TRPM2: variants seen among roughly 807,000 people sequenced by gnomAD.
TRPM2 encodes the protein estrogen-responsive element-associated gene 1 protein.
In TRPM2, 161 loss-of-function variants were observed where a neutral mutation model predicts 174.0. That is an observed-to-expected ratio of 0.93 (90% CI 0.81 to 1.05). The LOEUF (loss-of-function observed/expected upper bound fraction) is 1.05, where lower values mean the gene tolerates loss of function less well. Ranked by LOEUF, TRPM2 falls within the 50% of genes least tolerant of loss-of-function variation. The probability of loss-of-function intolerance (pLI) is 0.00; values close to 1 mark genes in which losing one functional copy is unlikely to be tolerated. For missense variants in TRPM2, 2,057 were observed against 2,038.0 expected (o/e 1.01, Z -0.18); for synonymous variants, 954 against 861.3 (o/e 1.11, Z -1.88).
At chr21:44,357,580 GC>G (rs2048095952) in intron 2 of TRPM2, among the ~76,000 whole-genome samples, 1 of 152,196 alleles carries the variant, frequency 6.6e-6, no homozygotes, top group Non-Finnish European at 1.5e-5. Context: ...GAAGCACGTG[GC>G]CACCTGCAAA....
At chr21:44,428,749 G>T (rs1387800558) in intron 27 of TRPM2, among the ~76,000 whole-genome samples, 1 of 127,792 alleles carries the variant, frequency 7.8e-6, no homozygotes, top group South Asian at 2.6e-4. Flanking sequence ...CTTAGGTGTG[G>T]CTCTTCCCTG....
rs146925104 is a variant in TRPM2, at chr21:44,370,801, G to A, written c.771+1458G>A. ...TGCTCTTTTTACGAATTGAAAAACT[G>A]AAGCCAGGAGCGGCTGGGTGACGTC... On this transcript the variant is annotated intron_variant, in intron 5 of 31. Transcript: ENST00000397928. 1.5e-3 allele frequency among the ~76,000 whole-genome samples: 234 copies of A among 152,328 alleles called. 1 individual carries two copies. The East Asian group carries it at 0.036, about 24-fold the overall frequency.
At position 44,379,069 on chromosome 21, in the gene TRPM2, A is replaced by T; in HGVS notation, c.1087A>T (p.Ile363Phe). The change falls in exon 8 of 32, where the codon ATT (isoleucine) becomes TTT (phenylalanine). Residue 363 changes from isoleucine (I) to phenylalanine (F), a missense_variant. Ile to Phe is a conservative substitution (Grantham distance 21). Transcript: ENST00000397928. ...VEGSGRVADVIAQVANLPVSD... is the reference protein window; with the variant it reads ...VEGSGRVADVFAQVANLPVSD... ...GGGCTCGGGCCGCGTGGCCGACGTC[A>T]TTGCCCAGGTGGCCAACCTGCCTGT... 6.2e-7 allele frequency: 1 copy of T among 1,612,728 alleles called. No individual in the cohort carries two copies. The highest frequency in any genetic ancestry group is 8.5e-7 in the Non-Finnish European group (1 of 1,180,016).
intron 2 of TRPM2, among the ~76,000 whole-genome samples, chr21:44,355,242 G>A (rs2048023842): frequency 6.6e-6 from 1 of 151,696 alleles, no homozygotes. Context: ...CGACTCAGGT[G>A]TGGCCAAGAC....
In TRPM2 at chr21:44,426,992, CT is replaced by C; in HGVS notation, c.3873-16del. ...CTGCAACACGGGCACACAGACACGC[CT>C]TCTCCTCTGCTCCCAGCACCCTGGA... is the stretch of plus-strand genomic sequence containing the variant. On this transcript the variant is annotated splice_polypyrimidine_tract_variant and intron_variant, in intron 26 of 31. Transcript: ENST00000397928. 1 of 1,574,900 alleles carries C rather than the reference CT, an allele frequency of 6.3e-7. No homozygotes were observed. Among genetic ancestry groups the C allele is most frequent in the Non-Finnish European group, 8.6e-7 (1 of 1,161,052 alleles).
At chr21:44,379,909 A>C (rs1188979976) in intron 8 of TRPM2, among the ~76,000 whole-genome samples, 1 of 152,224 alleles carries the variant, frequency 6.6e-6, no homozygotes, top group Non-Finnish European at 1.5e-5. Context: ...GGGCCGGCAG[A>C]GCCCTCTGTC....
chr21:44,418,526 C>G lies in TRPM2; in HGVS notation c.3432C>G (p.Pro1144=). The G allele has an allele frequency of 6.2e-7, 1 of 1,614,068 alleles. No homozygotes were observed. Among genetic ancestry groups the G allele is most frequent in the Non-Finnish European group, 8.5e-7 (1 of 1,179,996 alleles). Residue 1144 remains proline (P), a synonymous_variant, in exon 22 of 32, where the codon CCC becomes CCG. Coordinates refer to ENST00000397928, the MANE Select transcript of TRPM2 (RefSeq NM_003307.4). ...QNRQFQQKQR[P]EQKIEDISNK... The stretch of plus-strand genomic sequence containing the variant: ...GACAGTTCCAGCAAAAGCAGCGGCC[C>G]GAGCAGAAGATCGAGGACATCAGCA...
At chr21:44,417,308 A>G (rs1307572750) in intron 20 of TRPM2, among the ~76,000 whole-genome samples, 60 of 73,652 alleles carry the variant, frequency 8.1e-4, no homozygotes, top group East Asian at 1.3e-3. Context: ...CAGTGGGCAC[A>G]AGGGCGTGGC....
At chr21:44,433,196 C>T (rs781387440) in intron 27 of TRPM2, among the ~76,000 whole-genome samples, 88 of 152,228 alleles carry the variant, frequency 5.8e-4, no homozygotes, top group Non-Finnish European at 1.1e-3. Context: ...TAACCTCCCT[C>T]CTGGCTCTGC....
chr21:44,377,157 G>A (rs2048729227), intron 6 of TRPM2, among the ~76,000 whole-genome samples: 1 of 152,234 alleles, frequency 6.6e-6, no homozygotes, highest in African/African-American at 2.4e-5. Flanking sequence ...TGGGCCCATG[G>A]GGGGCTCACA....
upstream of TRPM2, among the ~76,000 whole-genome samples, chr21:44,350,941 G>A (rs1006095465): frequency 1.6e-3 from 244 of 152,264 alleles, no homozygotes; most frequent in African/African-American, 5.7e-3. Context: ...CTCCGTCCCC[G>A]CACCCGCCTC....
chr21:44,372,523 A>C (rs548606170), intron 5 of TRPM2, among the ~76,000 whole-genome samples: 1 of 152,292 alleles, frequency 6.6e-6, no homozygotes, highest in South Asian at 2.1e-4. Flanking sequence ...AAACAAAAAT[A>C]TCATCAGCTC....
At chr21:44,353,424 G>A (rs1025498937), upstream of TRPM2, 2 of 298,840 alleles carry the variant, frequency 6.7e-6, no homozygotes, top group Non-Finnish European at 1.2e-5. Context: ...TGGGACCCCC[G>A]CATGTGCATG....
chr21:44,439,063 C>A lies in TRPM2; in HGVS notation c.4168-4C>A. ...TGACCTGCCTCCGTCCTCTGTCTGT[C>A]CAGGGCTCCCGGGAGCCAGGGGAGA... On this transcript the variant is annotated splice_polypyrimidine_tract_variant and splice_region_variant and intron_variant, in intron 29 of 31. Coordinates refer to ENST00000397928, the MANE Select transcript of TRPM2 (RefSeq NM_003307.4). The surrounding 1 kb of genome is among the most constrained non-coding windows in gnomAD (Gnocchi z 5.1). The A allele has an allele frequency of 6.2e-7, 1 of 1,611,970 alleles. No individual in the cohort carries two copies. The highest frequency in any genetic ancestry group is 8.5e-7 in the Non-Finnish European group (1 of 1,179,302).
chr21:44,434,815 C>T (rs1296069956), intron 27 of TRPM2, among the ~76,000 whole-genome samples: 2 of 152,120 alleles, frequency 1.3e-5, no homozygotes, highest in Non-Finnish European at 1.5e-5. Context: ...CCCGAGCAGT[C>T]GGCCAGTTCC....
chr21:44,403,785 A>T (rs2049730592), intron 16 of TRPM2, among the ~76,000 whole-genome samples: 1 of 151,430 alleles, frequency 6.6e-6, no homozygotes, highest in Non-Finnish European at 1.5e-5. Context: ...GCATGCACAC[A>T]TACAAATATA....
chr21:44,412,579 A>T (rs1785459), intron 19 of TRPM2, among the ~76,000 whole-genome samples: 107,924 of 151,524 alleles, frequency 0.71, 38,823 homozygotes, highest in East Asian at 0.77. Flanking sequence ...ATTGTTTTTG[A>T]TTTCTCGATC....
Position 44,366,069 on chromosome 21 carries a change from GAC to G in TRPM2, c.424-681_424-680del, listed in dbSNP as rs2048351487. Among the ~76,000 whole-genome samples the G allele has an allele frequency of 6.6e-6, 1 of 152,228 alleles. No homozygotes were observed. Among genetic ancestry groups the G allele is most frequent in the African/African-American group, 2.4e-5 (1 of 41,456 alleles). ...TTGCAGACCCCGCTGGGTCTCTTCA[GAC>G]ACAGCCCGCCTAGCGGAACAGGGAA... On this transcript the variant is annotated intron_variant, in intron 3 of 31. Coordinates refer to ENST00000397928, the MANE Select transcript of TRPM2 (RefSeq NM_003307.4). The surrounding 1 kb of genome is among the most constrained non-coding windows in gnomAD (Gnocchi z 6.0).
intron 22 of TRPM2, among the ~76,000 whole-genome samples, chr21:44,422,697 A>G (rs1351863126): frequency 1.3e-5 from 2 of 152,222 alleles, no homozygotes; most frequent in Non-Finnish European, 2.9e-5. Flanking sequence ...TTTTAACCAT[A>G]AACACAGCAG....
Sources: allele counts gnomAD v4.1 joint callset (sites outside exome capture counted in the v4.1 genomes callset), GRCh38; gene constraint gnomAD v4.1.1; non-coding constraint Gnocchi (gnomAD v3.1); transcripts MANE v1.5; gene names NCBI Gene and HGNC (gene_info 2026-07-23, HGNC 2026-07-21).